The following PDE3B variants were observed in gnomAD, a reference collection of about 807,000 sequenced individuals.
PDE3B encodes phosphodiesterase 3B, also known as cGMP-inhibited 3',5'-cyclic phosphodiesterase 3B.
A neutral mutation model predicts 116.8 loss-of-function variants in PDE3B; 66 were observed. The observed-to-expected ratio is 0.56, with a 90% CI of 0.46 to 0.69. The LOEUF is 0.69. Ranked by LOEUF, PDE3B falls within the 30% of genes least tolerant of loss-of-function variation. PDE3B has a pLI of 0.00. For synonymous variants in PDE3B, 595 were observed against 533.6 expected (o/e 1.12, Z -1.59); for missense variants, 1,384 against 1,368.1 (o/e 1.01, Z -0.18).
intron 12 of PDE3B, among the ~76,000 whole-genome samples, chr11:14,846,840 C>T (rs947784269): frequency 7.2e-5 from 11 of 152,138 alleles, no homozygotes; most frequent in African/African-American, 2.4e-4. Flanking sequence ...ATTCATAAAG[C>T]AAGTCCTGAG....
At chr11:14,895,475 T>A in the PDE3B span, among the ~76,000 whole-genome samples, 4 of 152,356 alleles carry the variant, frequency 2.6e-5, no homozygotes, top group Middle Eastern at 3.4e-3. Context: ...TAAATTCTGT[T>A]CCCAAGGTGA....
At position 14,862,181 on chromosome 11, in the gene PDE3B, A is replaced by G. The variant is rs560520201; in HGVS notation, c.2886+815A>G. Among the ~76,000 whole-genome samples the G allele has an allele frequency of 5.3e-5, 8 of 152,206 alleles. No individual in the cohort carries two copies. The South Asian group carries it at 1.7e-3, about 32-fold the overall frequency. On this transcript the variant is annotated intron_variant, in intron 14 of 15. Transcript: ENST00000282096. ...CTTTCCCTGGTGCCAGCTGTGACCAATTATTATTTTAGAGAGACAGCTTAA... is the reference window on the plus strand; with the variant it reads ...CTTTCCCTGGTGCCAGCTGTGACCAGTTATTATTTTAGAGAGACAGCTTAA...
chr11:14,819,747 TA>T (rs66721429), intron 7 of PDE3B, among the ~76,000 whole-genome samples: 2 of 152,010 alleles, frequency 1.3e-5, no homozygotes, highest in African/African-American at 4.8e-5. Flanking sequence ...ATTATTTTTT[TA>T]AAAAAAATCT....
the PDE3B span, chr11:14,892,196 G>A: frequency 1.2e-6 from 2 of 1,610,154 alleles, no homozygotes; most frequent in East Asian, 2.2e-5. Context: ...GCTCTCCAAA[G>A]CTTCCACATC....
chr11:14,672,025 A>AT (rs1854382594), intron 1 of PDE3B, among the ~76,000 whole-genome samples: 8 of 116,610 alleles, frequency 6.9e-5, no homozygotes, highest in African/African-American at 2.7e-4. Flanking sequence ...TTGAAAAAAA[A>AT]AAAATATATA....
intron 1 of PDE3B, among the ~76,000 whole-genome samples, chr11:14,710,728 C>G (rs1855676744): frequency 6.6e-6 from 1 of 152,148 alleles, no homozygotes; most frequent in Non-Finnish European, 1.5e-5. Context: ...AGGAGAGAGA[C>G]AGAGACTGAG....
At position 14,830,720 on chromosome 11, in the gene PDE3B, G is replaced by A. The variant is rs372110529; in HGVS notation, c.1830G>A (p.Ser610=). ...AAGGTGAAGAAGAAAACATTTTCTC[G>A]AAAGAATCATTCAAACTTATGGAAA... ...GKSGEEENIF[S]KESFKLMETQ... Residue 610 remains serine, a synonymous_variant, in exon 8 of 16, where the codon TCG becomes TCA. Transcript: ENST00000282096. 8.5e-5 allele frequency: 125 copies of A among 1,469,788 alleles called. No individual in the cohort carries two copies. In the Middle Eastern group the frequency reaches 1.1e-3, roughly 13 times the overall value. The allele number at this position is 1,469,788 out of a possible 1,614,324, so 91.0% of individuals were successfully genotyped here. A position where few individuals can be genotyped will look rare whatever the true frequency, so the allele number is the denominator to read the frequency against.
At chr11:14,834,328 T>G (rs916644600) in intron 10 of PDE3B, among the ~76,000 whole-genome samples, 1 of 152,220 alleles carries the variant, frequency 6.6e-6, no homozygotes, top group South Asian at 2.1e-4. Context: ...CTAACTTTTA[T>G]AGGTGAGAAG....
chr11:14,657,070 G>A (rs777260207), intron 1 of PDE3B, among the ~76,000 whole-genome samples: 3 of 152,172 alleles, frequency 2.0e-5, no homozygotes, highest in Non-Finnish European at 2.9e-5. Context: ...AAGTTTCAGA[G>A]TTAAAGATTA....
intron 1 of PDE3B, among the ~76,000 whole-genome samples, chr11:14,683,724 G>A (rs1854782935): frequency 6.6e-6 from 1 of 151,342 alleles, no homozygotes; most frequent in South Asian, 2.1e-4. Context: ...GGTTTATTTT[G>A]TTCTTCTTTT....
intron 1 of PDE3B, among the ~76,000 whole-genome samples, chr11:14,751,648 C>T (rs1042360571): frequency 2.6e-5 from 4 of 152,096 alleles, no homozygotes; most frequent in Non-Finnish European, 5.9e-5. Context: ...AGGAAGTGGT[C>T]AAGAGTGAGA....
intron 1 of PDE3B, among the ~76,000 whole-genome samples, chr11:14,685,419 T>TA (rs1215703845): frequency 6.7e-6 from 1 of 149,418 alleles, no homozygotes; most frequent in African/African-American, 2.4e-5. Context: ...GGAAGACAAT[T>TA]AATCACTAAG....
chr11:14,774,947 CTTCTG>C (rs1857741459), intron 2 of PDE3B: 1 of 152,206 alleles, frequency 6.6e-6, no homozygotes, highest in Admixed American at 6.5e-5. Context: ...GTCAGACAGG[CTTCTG>C]ACTCAGGTCT....
the PDE3B span, chr11:14,877,349 A>G: frequency 6.6e-6 from 1 of 152,214 alleles, no homozygotes; most frequent in Admixed American, 6.5e-5. Context: ...TCTAAAAGAT[A>G]TAAGTGAATT....
At chr11:14,687,409 T>C (rs911811963) in intron 1 of PDE3B, among the ~76,000 whole-genome samples, 8 of 152,214 alleles carry the variant, frequency 5.3e-5, no homozygotes, top group Admixed American at 3.9e-4. Context: ...GTATATATTA[T>C]TAAAAGCTGA....
At position 14,654,249 on chromosome 11, in the gene PDE3B, T is replaced by G. The variant is rs577485367; in HGVS notation, c.978+9196T>G. 2.0e-5 allele frequency among the ~76,000 whole-genome samples: 3 copies of G among 152,176 alleles called. No individual in the cohort carries two copies. In the East Asian group the frequency reaches 5.8e-4, roughly 29 times the overall value. ...GAATAAATTAAAAGAAACCCATACA[T>G]TATTGCAAAATTACAGAACCTTAAA... On this transcript the variant is annotated intron_variant, in intron 1 of 15. Coordinates refer to ENST00000282096, the MANE Select transcript of PDE3B (RefSeq NM_000922.4).
intron 1 of PDE3B, among the ~76,000 whole-genome samples, chr11:14,659,597 C>T (rs895578660): frequency 6.6e-6 from 1 of 152,136 alleles, no homozygotes; most frequent in Non-Finnish European, 1.5e-5. Context: ...CAGATTATTT[C>T]ACCACCCAGG....
chr11:14,832,696 T>C (rs1859926415), intron 9 of PDE3B, 26 bp from the exon 10 acceptor site: 1 of 861,792 alleles, frequency 1.2e-6, no homozygotes, highest in Non-Finnish European at 1.8e-6. Flanking sequence ...ATTTTTAAAG[T>C]AAACTTTATT....
intron 1 of PDE3B, among the ~76,000 whole-genome samples, chr11:14,659,901 A>G (rs908092048): frequency 1.3e-5 from 2 of 152,216 alleles, no homozygotes; most frequent in African/African-American, 4.8e-5. Context: ...ATTAGTAAAC[A>G]TGTATTTGAC....
Sources: gnomAD v4.1 joint callset for allele counts (sites outside exome capture counted in the v4.1 genomes callset) on GRCh38, gnomAD v4.1.1 for gene constraint, MANE v1.5 for transcripts, NCBI Gene and HGNC (gene_info 2026-07-23, HGNC 2026-07-21) for gene names.